ADAM12: variants seen among roughly 807,000 people sequenced by gnomAD.
ADAM12 encodes the protein ADAM metallopeptidase domain 12, also known as disintegrin and metalloproteinase domain-containing protein 12.
In ADAM12, 70 loss-of-function variants were observed where a neutral mutation model predicts 106.4. That is an observed-to-expected ratio of 0.66 (90% confidence interval 0.54 to 0.80). The LOEUF (loss-of-function observed/expected upper bound fraction) is 0.80, where lower values mean the gene tolerates loss of function less well. Ranked by LOEUF, ADAM12 falls within the 30% of genes least tolerant of loss-of-function variation. The pLI, the probability that ADAM12 is intolerant of heterozygous loss-of-function variation, is 0.00. For synonymous variants in ADAM12, 420 were observed against 433.5 expected (o/e 0.97, Z 0.39); for missense variants, 1,010 against 1,171.9 (o/e 0.86, Z 2.02).
chr10:126,133,836 C>T (rs2133673128), intron 5 of ADAM12, among the ~76,000 whole-genome samples: 1 of 152,360 alleles, frequency 6.6e-6, no homozygotes, highest in Non-Finnish European at 1.5e-5. Flanking sequence ...TTTGCACATG[C>T]TCTTCTCTCT....
intron 19 of ADAM12, 151 bp from the exon 20 acceptor site, chr10:126,038,500 T>A: frequency 1.8e-6 from 1 of 557,648 alleles, no homozygotes; most frequent in Non-Finnish European, 3.1e-6. Context: ...ATAACACTCT[T>A]AGGAGATTAA....
intron 11 of ADAM12, among the ~76,000 whole-genome samples, chr10:126,084,550 G>A (rs546313873): frequency 6.6e-6 from 1 of 152,276 alleles, no homozygotes; most frequent in African/African-American, 2.4e-5. Flanking sequence ...CACAGAATAC[G>A]CTAGTTCTTT....
At chr10:126,195,657 C>T (rs934778832) in intron 3 of ADAM12, among the ~76,000 whole-genome samples, 3 of 151,972 alleles carry the variant, frequency 2.0e-5, no homozygotes, top group African/African-American at 7.3e-5. Context: ...ATACATATTT[C>T]AAAACAACAT....
intron 1 of ADAM12, among the ~76,000 whole-genome samples, chr10:126,383,968 T>C (rs1381549161): frequency 6.6e-6 from 1 of 152,206 alleles, no homozygotes; most frequent in Non-Finnish European, 1.5e-5. Flanking sequence ...AGACAAAATC[T>C]ACTACAAACG....
chr10:126,300,482 C>T (rs970011370), intron 2 of ADAM12, among the ~76,000 whole-genome samples: 2 of 152,160 alleles, frequency 1.3e-5, no homozygotes, highest in African/African-American at 2.4e-5. Context: ...CATATATCTG[C>T]ATTACTGTTT....
intron 3 of ADAM12, among the ~76,000 whole-genome samples, chr10:126,220,608 C>T (rs950894090): frequency 2.0e-5 from 3 of 152,214 alleles, no homozygotes; most frequent in Non-Finnish European, 2.9e-5. Flanking sequence ...ATCTGAAATT[C>T]AGGTTTCAAT....
intron 3 of ADAM12, among the ~76,000 whole-genome samples, chr10:126,219,593 T>C (rs763007302): frequency 2.6e-5 from 4 of 152,238 alleles, no homozygotes; most frequent in Non-Finnish European, 5.9e-5. Context: ...TGAAAATCCT[T>C]ATAGTTGAAC....
intron 3 of ADAM12, among the ~76,000 whole-genome samples, chr10:126,274,049 G>A (rs976048292): frequency 2.0e-5 from 3 of 152,176 alleles, no homozygotes; most frequent in Admixed American, 1.3e-4. Flanking sequence ...CCCCACCCAA[G>A]TGACCTTCGA....
At chr10:126,319,230 C>A (rs547151219) in intron 2 of ADAM12, among the ~76,000 whole-genome samples, 2 of 152,268 alleles carry the variant, frequency 1.3e-5, no homozygotes, top group Non-Finnish European at 2.9e-5. Context: ...AGGGGTGCAG[C>A]GTAACTCCCC....
chr10:126,385,930 G>A (rs1456724469), intron 1 of ADAM12, among the ~76,000 whole-genome samples: 1 of 152,192 alleles, frequency 6.6e-6, no homozygotes, highest in Non-Finnish European at 1.5e-5. Context: ...GCAGGGATAA[G>A]GTGAAAAGCC....
At chr10:126,040,820 C>T (rs1339678055) in intron 18 of ADAM12, among the ~76,000 whole-genome samples, 1 of 152,064 alleles carries the variant, frequency 6.6e-6, no homozygotes, top group Non-Finnish European at 1.5e-5. Context: ...ATTTACAGGG[C>T]CCCCACACTG....
chr10:126,106,444 C>T (rs1955769556), intron 8 of ADAM12, among the ~76,000 whole-genome samples: 2 of 151,912 alleles, frequency 1.3e-5, no homozygotes, highest in South Asian at 2.1e-4. Flanking sequence ...TTCCCCTGCC[C>T]TGGGTCAGGT....
chr10:126,299,699 A>C (rs939733278), intron 2 of ADAM12, among the ~76,000 whole-genome samples: 1 of 151,660 alleles, frequency 6.6e-6, no homozygotes, highest in Admixed American at 6.6e-5. Context: ...GCTGGAGTGC[A>C]GTGGCGCAAT....
At chr10:126,368,127 G>A (rs1403755917) in intron 1 of ADAM12, among the ~76,000 whole-genome samples, 1 of 151,872 alleles carries the variant, frequency 6.6e-6, no homozygotes, top group Non-Finnish European at 1.5e-5. Flanking sequence ...GTATGCATGT[G>A]TGTATATATA....
rs559299614 is a variant in ADAM12 at position 126,179,377 on chromosome 10, C to T, written c.261-24072G>A. ...CAATCAATCGGCACCACTTTCTTTA[C>T]ACATTGGGCTCAAAATGAGCTGGTC... On this transcript the variant is annotated intron_variant, in intron 3 of 22. Transcript: ENST00000448723. 4.9e-4 allele frequency among the ~76,000 whole-genome samples: 74 copies of T among 152,342 alleles called. No individual in the cohort carries two copies. The South Asian group carries it at 0.015, about 31-fold the overall frequency.
chr10:126,120,778 A>G (rs1956070351), intron 5 of ADAM12, among the ~76,000 whole-genome samples: 1 of 150,720 alleles, frequency 6.6e-6, no homozygotes. Flanking sequence ...CAACATACAT[A>G]ACCACAAAAT....
At chr10:126,367,173 T>C (rs1316867591) in intron 1 of ADAM12, among the ~76,000 whole-genome samples, 1 of 151,936 alleles carries the variant, frequency 6.6e-6, no homozygotes, top group Non-Finnish European at 1.5e-5. Context: ...AGCTGGAGTA[T>C]AAAACAACTC....
intron 9 of ADAM12, among the ~76,000 whole-genome samples, chr10:126,100,741 A>C (rs1955648146): frequency 6.6e-6 from 1 of 152,040 alleles, no homozygotes; most frequent in Admixed American, 6.6e-5. Flanking sequence ...CAAAAAACAA[A>C]ACAAAAAAAT....
intron 3 of ADAM12, among the ~76,000 whole-genome samples, chr10:126,159,307 CAAAAAAAAAAAAAAAA>C (rs3069557): frequency 2.5e-5 from 2 of 80,632 alleles, no homozygotes; most frequent in African/African-American, 1.1e-4. Context: ...GAGACTCCAT[CAAAAAAAAAAAAAAAA>C]AAAAAAAAGG....
Sources: allele counts gnomAD v4.1 joint callset (sites outside exome capture counted in the v4.1 genomes callset), GRCh38; gene constraint gnomAD v4.1.1; transcripts MANE v1.5; gene names NCBI Gene and HGNC (gene_info 2026-07-23, HGNC 2026-07-21).